Variants in NAV2 observed in about 807,000 individuals in gnomAD.
The protein encoded by NAV2 is helicase, APC down-regulated 1.
In NAV2, 54 loss-of-function variants were observed where a neutral mutation model predicts 223.2. The ratio of observed to expected loss-of-function variants is 0.24; its 90% CI spans 0.19 to 0.30. The LOEUF (loss-of-function observed/expected upper bound fraction) is 0.30, where lower values mean the gene tolerates loss of function less well. Ranked by LOEUF, NAV2 falls within the 10% of genes least tolerant of loss-of-function variation. NAV2 has a pLI of 1.00. For missense variants in NAV2, 2,806 were observed against 3,147.5 expected (o/e 0.89, Z 2.60); for synonymous variants, 1,279 against 1,239.3 (o/e 1.03, Z -0.67).
At chr11:20,106,232 C>CATATATAT (rs2062091665) in intron 35 of NAV2, among the ~76,000 whole-genome samples, 1 of 70,522 alleles carries the variant, frequency 1.4e-5, no homozygotes, top group Non-Finnish European at 2.6e-5. Context: ...TATATATATG[C>CATATATAT]TTTATGAAGT....
chr11:19,537,650 G>A (rs1403541783), intron 1 of NAV2, among the ~76,000 whole-genome samples: 4 of 152,214 alleles, frequency 2.6e-5, no homozygotes, highest in African/African-American at 4.8e-5. Context: ...CTGCTCTTAA[G>A]TGTATTCTAG....
At chr11:19,579,331 G>A (rs1348752526) in intron 1 of NAV2, among the ~76,000 whole-genome samples, 1 of 152,174 alleles carries the variant, frequency 6.6e-6, no homozygotes, top group East Asian at 1.9e-4. Context: ...AAATATTAAG[G>A]ATTCTCTCCC....
chr11:19,615,226 A>T (rs1162143296), intron 1 of NAV2, among the ~76,000 whole-genome samples: 2 of 151,628 alleles, frequency 1.3e-5, no homozygotes, highest in African/African-American at 4.8e-5. Flanking sequence ...TATATCATAC[A>T]TATGATATAT....
At chr11:19,923,393 A>G (rs1377611284) in intron 6 of NAV2, among the ~76,000 whole-genome samples, 1 of 152,076 alleles carries the variant, frequency 6.6e-6, no homozygotes, top group Non-Finnish European at 1.5e-5. Flanking sequence ...TGTAGACAAA[A>G]AAAAAATTAT....
chr11:19,701,407 C>G (rs1771595841), intron 1 of NAV2, among the ~76,000 whole-genome samples: 1 of 152,152 alleles, frequency 6.6e-6, no homozygotes, highest in Non-Finnish European at 1.5e-5. Context: ...CTCAAATCAG[C>G]CCTTTGTGGT....
chr11:19,357,845 T>A (rs909255627), intron 1 of NAV2, among the ~76,000 whole-genome samples: 4 of 152,220 alleles, frequency 2.6e-5, no homozygotes, highest in African/African-American at 9.6e-5. Context: ...GACCCTGGCA[T>A]GTAGGGATTA....
chr11:19,739,124 G>T (rs2052582057), intron 1 of NAV2, among the ~76,000 whole-genome samples: 1 of 152,182 alleles, frequency 6.6e-6, no homozygotes, highest in African/African-American at 2.4e-5. Flanking sequence ...TGAGGCTGCA[G>T]TGAACCACGA....
chr11:19,932,700 C>T (rs909740474), intron 6 of NAV2, among the ~76,000 whole-genome samples: 2 of 152,154 alleles, frequency 1.3e-5, no homozygotes, highest in African/African-American at 4.8e-5. Flanking sequence ...TGTAATTATT[C>T]TTTTTTAAAG....
intron 5 of NAV2, chr11:19,884,447 T>C: frequency 1.8e-6 from 2 of 1,138,236 alleles, no homozygotes; most frequent in African/African-American, 3.1e-5. Context: ...TGAGTTTGCC[T>C]TTGGTCCTCT....
intron 12 of NAV2, 27 bp downstream of exon 12, chr11:20,036,124 C>G: frequency 6.2e-7 from 1 of 1,613,728 alleles, no homozygotes; most frequent in African/African-American, 1.3e-5. Flanking sequence ...CTCCCAGGCT[C>G]CTCCAGCAGC....
chr11:19,386,057 C>A (rs1366027325), intron 1 of NAV2, among the ~76,000 whole-genome samples: 4 of 152,214 alleles, frequency 2.6e-5, no homozygotes, highest in Non-Finnish European at 2.9e-5. Flanking sequence ...AGCCACCACA[C>A]CCAGCCCAAT....
chr11:20,062,156 C>T (rs2058746767), intron 19 of NAV2, 151 bp from the exon 20 acceptor site: 3 of 530,962 alleles, frequency 5.7e-6, no homozygotes, highest in Non-Finnish European at 6.6e-6. Context: ...TTGTCACTGA[C>T]CTATCGCCAA....
At chr11:19,438,634 C>T (rs896878679) in intron 1 of NAV2, among the ~76,000 whole-genome samples, 2 of 152,224 alleles carry the variant, frequency 1.3e-5, no homozygotes, top group African/African-American at 2.4e-5. Flanking sequence ...GGATTTTCCA[C>T]ACCTCCTTCC....
intron 25 of NAV2, chr11:20,082,501 T>C: frequency 2.3e-6 from 3 of 1,293,320 alleles, no homozygotes; most frequent in Non-Finnish European, 2.3e-6. Context: ...TGTCTGAAAG[T>C]CCGAAGCTTT....
chr11:19,997,303 A>G (rs954821137), intron 11 of NAV2, among the ~76,000 whole-genome samples: 1 of 152,156 alleles, frequency 6.6e-6, no homozygotes, highest in Non-Finnish European at 1.5e-5. Context: ...GTGGGCCTCC[A>G]GGGCCCCTCC....
chr11:19,456,819 G>T (rs138970621), intron 1 of NAV2, among the ~76,000 whole-genome samples: 1 of 152,170 alleles, frequency 6.6e-6, no homozygotes, highest in Non-Finnish European at 1.5e-5. Flanking sequence ...TGGCTGGACT[G>T]CTCCTTCCCA....
chr11:20,005,603 A>G (rs1330469964), intron 11 of NAV2, among the ~76,000 whole-genome samples: 1 of 151,820 alleles, frequency 6.6e-6, no homozygotes, highest in East Asian at 1.9e-4. Context: ...CCTATCTGTA[A>G]TAAGACAGAT....
Position 19,913,843 on chromosome 11 carries a change from C to T in NAV2, c.932-19333C>T, listed in dbSNP as rs565433665. 2.6e-5 allele frequency among the ~76,000 whole-genome samples: 4 copies of T among 152,240 alleles called. No homozygotes were observed. The South Asian group carries it at 8.3e-4, about 32-fold the overall frequency. Reference sequence around the variant, plus strand: ...CTCTACGCCTTTTTTTAACCCTGTGCCTACCTTAGTCTCCTATAGGGACCG... The same window carrying T: ...CTCTACGCCTTTTTTTAACCCTGTGTCTACCTTAGTCTCCTATAGGGACCG... On this transcript the variant is annotated intron_variant, in intron 6 of 37. Coordinates refer to ENST00000349880, the MANE Select transcript of NAV2 (RefSeq NM_145117.5).
chr11:19,881,346 T>A (rs1026858454), intron 5 of NAV2, among the ~76,000 whole-genome samples: 8 of 152,066 alleles, frequency 5.3e-5, no homozygotes, highest in African/African-American at 1.9e-4. Flanking sequence ...TATCAGCCAT[T>A]TGCCAAACCC....
Sources: gnomAD v4.1 joint callset for allele counts (sites outside exome capture counted in the v4.1 genomes callset) on GRCh38, gnomAD v4.1.1 for gene constraint, MANE v1.5 for transcripts, NCBI Gene and HGNC (gene_info 2026-07-23, HGNC 2026-07-21) for gene names.